Variants in PLXDC2 observed in about 807,000 individuals in gnomAD.
The protein encoded by PLXDC2 is plexin domain containing 2.
Under a neutral mutation model 68.9 loss-of-function variants are expected in PLXDC2, and 40 were observed. The ratio of observed to expected loss-of-function variants is 0.58; its 90% CI spans 0.45 to 0.76. The LOEUF (loss-of-function observed/expected upper bound fraction) is 0.76. Ranked by LOEUF, PLXDC2 falls within the 30% of genes least tolerant of loss-of-function variation. PLXDC2 has a pLI of 0.00. For synonymous variants in PLXDC2, 243 were observed against 234.2 expected (o/e 1.04, Z -0.34); for missense variants, 644 against 661.9 (o/e 0.97, Z 0.30).
chr10:20,186,033 T>C (rs1013319952), intron 9 of PLXDC2, among the ~76,000 whole-genome samples: 1 of 151,982 alleles, frequency 6.6e-6, no homozygotes, highest in Admixed American at 6.6e-5. Flanking sequence ...TGATTAGTAA[T>C]ATTCTGATAG....
intron 7 of PLXDC2, among the ~76,000 whole-genome samples, chr10:20,170,897 A>G (rs1240654003): frequency 6.6e-6 from 1 of 151,904 alleles, no homozygotes; most frequent in Non-Finnish European, 1.5e-5. Context: ...TGCCAAGTGT[A>G]ATATTTACGT....
intron 4 of PLXDC2, among the ~76,000 whole-genome samples, chr10:20,124,606 T>C (rs1280705284): frequency 2.0e-5 from 3 of 151,690 alleles, no homozygotes; most frequent in Admixed American, 1.3e-4. Context: ...TTCACCTGGG[T>C]GCAGGCGGGC....
chr10:19,936,327 G>A (rs1342135249), intron 1 of PLXDC2, among the ~76,000 whole-genome samples: 1 of 152,042 alleles, frequency 6.6e-6, no homozygotes, highest in Non-Finnish European at 1.5e-5. Flanking sequence ...TTATGTCAGG[G>A]GTTGGCAAAT....
At chr10:19,930,222 G>A (rs1833603595) in intron 1 of PLXDC2, among the ~76,000 whole-genome samples, 3 of 152,048 alleles carry the variant, frequency 2.0e-5, no homozygotes, top group Admixed American at 6.6e-5. Flanking sequence ...GAAACTGACC[G>A]AAATCAATTT....
chr10:19,843,414 C>T (rs543646974), intron 1 of PLXDC2, among the ~76,000 whole-genome samples: 2 of 151,756 alleles, frequency 1.3e-5, no homozygotes, highest in Admixed American at 6.6e-5. Flanking sequence ...CGTAGGATTC[C>T]TCCATAAGGA....
intron 9 of PLXDC2, among the ~76,000 whole-genome samples, chr10:20,179,854 G>A (rs767486808): frequency 1.3e-5 from 2 of 151,996 alleles, no homozygotes; most frequent in East Asian, 1.9e-4. Context: ...GCTGAGCTAC[G>A]TGTGCAGGGT....
intron 4 of PLXDC2, among the ~76,000 whole-genome samples, chr10:20,081,878 G>GA (rs1439487525): frequency 6.6e-6 from 1 of 151,170 alleles, no homozygotes. Flanking sequence ...ATCTCTACTA[G>GA]AAAAAAATTT....
chr10:20,168,046 G>T (rs199968346), intron 7 of PLXDC2, among the ~76,000 whole-genome samples: 2 of 152,064 alleles, frequency 1.3e-5, no homozygotes, highest in East Asian at 3.9e-4. Context: ...TGATCTGATA[G>T]TTTCAATATC....
intron 1 of PLXDC2, among the ~76,000 whole-genome samples, chr10:19,949,234 G>A (rs1351613923): frequency 2.6e-5 from 4 of 151,792 alleles, no homozygotes; most frequent in Non-Finnish European, 5.9e-5. Context: ...AAGAGTCTAG[G>A]GTCTAAATTT....
chr10:19,974,335 C>T (rs1834412848), intron 1 of PLXDC2, among the ~76,000 whole-genome samples: 1 of 152,200 alleles, frequency 6.6e-6, no homozygotes, highest in Non-Finnish European at 1.5e-5. Context: ...TTGTTAGTTC[C>T]ACAACCAGCT....
At chr10:19,977,929 G>A (rs1834486551) in intron 1 of PLXDC2, among the ~76,000 whole-genome samples, 1 of 152,134 alleles carries the variant, frequency 6.6e-6, no homozygotes. Flanking sequence ...TTAGTTAATA[G>A]CACCTGGTGT....
chr10:20,183,074 G>A (rs1221758250), intron 9 of PLXDC2, among the ~76,000 whole-genome samples: 1 of 151,946 alleles, frequency 6.6e-6, no homozygotes, highest in African/African-American at 2.4e-5. Flanking sequence ...CTTTTGAGAT[G>A]GGTAAGACAG....
At chr10:19,820,969 A>G (rs1185565023) in intron 1 of PLXDC2, among the ~76,000 whole-genome samples, 1 of 152,130 alleles carries the variant, frequency 6.6e-6, no homozygotes, top group African/African-American at 2.4e-5. Context: ...TCCTGGCTAT[A>G]CTTGGGAGGA....
At chr10:20,091,417 A>T (rs1833274585) in intron 4 of PLXDC2, among the ~76,000 whole-genome samples, 1 of 152,170 alleles carries the variant, frequency 6.6e-6, no homozygotes, top group Non-Finnish European at 1.5e-5. Flanking sequence ...TTTTCTACAT[A>T]CTTTCGGTCT....
At chr10:19,977,963 T>A (rs982382852) in intron 1 of PLXDC2, among the ~76,000 whole-genome samples, 1 of 152,286 alleles carries the variant, frequency 6.6e-6, no homozygotes, top group East Asian at 1.9e-4. Flanking sequence ...CCTTTCCAGA[T>A]AATATGCCTC....
intron 2 of PLXDC2, among the ~76,000 whole-genome samples, chr10:20,025,006 G>A (rs781262649): frequency 6.6e-6 from 1 of 152,058 alleles, no homozygotes; most frequent in South Asian, 2.1e-4. Context: ...CTTTGCTATT[G>A]TGACTAGTGC....
Position 20,177,022 on chromosome 10 carries a change from G to T in PLXDC2, c.907G>T (p.Glu303Ter). The change falls in exon 8 of 14, where the codon GAA becomes TAA. Residue 303 changes from glutamate to a stop codon, truncating the protein, a stop_gained. Coordinates refer to ENST00000377252, the MANE Select transcript of PLXDC2 (RefSeq NM_032812.9). LOFTEE classifies it high-confidence loss of function. ...AGATGTTCGAAGAAGAACAATTTAT[G>T]AATACCACCGAGTAGAGCTACAAAT... is the stretch of plus-strand genomic sequence containing the variant. ...IPNVRRRTIY[E>*]YHRVELQMSK... 6.2e-7 allele frequency: 1 copy of T among 1,608,890 alleles called. No individual in the cohort carries two copies. Among genetic ancestry groups the T allele is most frequent in the Non-Finnish European group, 8.5e-7 (1 of 1,177,786 alleles).
intron 1 of PLXDC2, among the ~76,000 whole-genome samples, chr10:19,871,056 A>G (rs1837525653): frequency 2.6e-5 from 4 of 152,190 alleles, no homozygotes. Flanking sequence ...AACTGATTTA[A>G]TGCTTTCTCA....
At chr10:19,862,478 T>C (rs775669958) in intron 1 of PLXDC2, among the ~76,000 whole-genome samples, 1 of 152,214 alleles carries the variant, frequency 6.6e-6, no homozygotes, top group African/African-American at 2.4e-5. Context: ...GCAGTAAAGA[T>C]AGCGAAGCGT....
Sources: gnomAD v4.1 joint callset for allele counts (sites outside exome capture counted in the v4.1 genomes callset) on GRCh38, gnomAD v4.1.1 for gene constraint, MANE v1.5 for transcripts, NCBI Gene and HGNC (gene_info 2026-07-23, HGNC 2026-07-21) for gene names.